GAB1: variants seen among roughly 807,000 people sequenced by gnomAD.
GAB1 encodes the protein GRB2 associated binding protein 1, also known as GRB2-associated-binding protein 1.
In GAB1, 19 loss-of-function variants were observed where a neutral mutation model predicts 66.5. The ratio of observed to expected loss-of-function variants is 0.29; its 90% CI spans 0.20 to 0.42. The LOEUF (loss-of-function observed/expected upper bound fraction) is 0.42, where lower values mean the gene tolerates loss of function less well. Ranked by LOEUF, GAB1 falls within the 10% of genes least tolerant of loss-of-function variation. The pLI is 1.00. For synonymous variants in GAB1, 294 were observed against 301.4 expected, an observed-to-expected ratio of 0.98 and a Z score of 0.25; for missense variants, 732 against 858.5, an observed-to-expected ratio of 0.85 and a Z score of 1.84.
chr4:143,348,447 TTCTC>T (rs1344977959), intron 1 of GAB1, among the ~76,000 whole-genome samples: 1 of 152,120 alleles, frequency 6.6e-6, no homozygotes, highest in African/African-American at 2.4e-5. Context: ...TCTTTGACTT[TTCTC>T]TCTCTCTCAT....
intron 1 of GAB1, among the ~76,000 whole-genome samples, chr4:143,408,257 A>G (rs530993999): frequency 2.0e-5 from 3 of 152,344 alleles, no homozygotes; most frequent in East Asian, 3.9e-4. Flanking sequence ...TGTGCACATC[A>G]TTCCTAGGTT....
chr4:143,422,313 G>A (rs926586449), intron 2 of GAB1, among the ~76,000 whole-genome samples: 22 of 152,112 alleles, frequency 1.4e-4, no homozygotes, highest in South Asian at 1.0e-3. Context: ...GAACATAAAG[G>A]TAAACTTTTA....
chr4:143,424,769 A>G (rs919415896), intron 2 of GAB1: 3 of 245,866 alleles, frequency 1.2e-5, no homozygotes, highest in African/African-American at 6.8e-5. Context: ...ATCCTGGCCA[A>G]CATGGTGAAA....
intron 6 of GAB1, among the ~76,000 whole-genome samples, chr4:143,446,283 A>G (rs1734525640): frequency 6.6e-6 from 1 of 152,170 alleles, no homozygotes; most frequent in African/African-American, 2.4e-5. Flanking sequence ...TAGCAGCATG[A>G]TTTATAGTCC....
intron 1 of GAB1, among the ~76,000 whole-genome samples, chr4:143,338,712 G>GGTGTGTGTGTGTGTGTGTGTGTGT (rs56381817): frequency 3.9e-4 from 58 of 149,288 alleles, no homozygotes; most frequent in African/African-American, 1.2e-3. Context: ...GAAAGGTAGG[G>GGTGTGTGTGTGTGTGTGTGTGTGT]GTGTGTGTGT....
Position 143,468,493 on chromosome 4 carries a change from G to A in GAB1, c.1927-538G>A, listed in dbSNP as rs192861063. Among the ~76,000 whole-genome samples, 852 of 151,730 alleles carry A rather than the reference G, an allele frequency of 5.6e-3. 10 individuals are homozygous for A. The highest frequency in any genetic ancestry group is 0.019 in the African/African-American group (800 of 41,420). On this transcript the variant is annotated intron_variant, in intron 9 of 9. Coordinates refer to ENST00000262994, the MANE Select transcript of GAB1 (RefSeq NM_002039.4). The stretch of plus-strand genomic sequence containing the variant: ...TTCCCAAAGTGCTGGGATTATAGGC[G>A]TGAGCCACTGTGCCCAGCTTTGAAT...
chr4:143,455,300 G>C (rs1735124379), intron 6 of GAB1, among the ~76,000 whole-genome samples: 1 of 152,180 alleles, frequency 6.6e-6, no homozygotes, highest in Admixed American at 6.5e-5. Context: ...GAAACAATCA[G>C]TTTCAGCTTC....
At chr4:143,395,873 G>C in intron 1 of GAB1, 1 of 454,696 alleles carries the variant, frequency 2.2e-6, no homozygotes, top group East Asian at 6.9e-5. Context: ...ACAGCTTGTC[G>C]AGATTGATGG....
intron 6 of GAB1, among the ~76,000 whole-genome samples, chr4:143,448,727 C>T (rs924917750): frequency 6.6e-6 from 1 of 151,412 alleles, no homozygotes; most frequent in Non-Finnish European, 1.5e-5. Flanking sequence ...TTTGTTGATC[C>T]TTTCAAAAAA....
intron 6 of GAB1, among the ~76,000 whole-genome samples, chr4:143,442,744 A>G (rs1335851149): frequency 2.6e-5 from 4 of 152,112 alleles, no homozygotes; most frequent in African/African-American, 9.7e-5. Context: ...AAAGAACTTA[A>G]TAGAACAGAA....
At position 143,471,866 on chromosome 4, in the gene GAB1, A is replaced by G. The variant is rs1736096044; in HGVS notation, c.*2677A>G. 6.6e-6 allele frequency: 1 copy of G among 152,166 alleles called. No homozygotes were observed. Among genetic ancestry groups the G allele is most frequent in the African/African-American group, 2.4e-5 (1 of 41,456 alleles). 9.4% of individuals were successfully genotyped at this position (152,166 alleles called of 1,614,324 possible). ...GAATGTGCGTTTTTATTAGGTTTTA[A>G]AATATGCACGTATAAAAACTAAATT... On this transcript the variant is annotated 3_prime_UTR_variant, in exon 10 of 10. Transcript: ENST00000262994.
chr4:143,378,626 A>AGT (rs1491223330), intron 1 of GAB1, among the ~76,000 whole-genome samples: 1 of 119,370 alleles, frequency 8.4e-6, no homozygotes, highest in African/African-American at 3.6e-5. Flanking sequence ...GAACTTCCAA[A>AGT]GTGTCTCTCT....
intron 8 of GAB1, among the ~76,000 whole-genome samples, chr4:143,462,811 G>A (rs939758559): frequency 2.6e-5 from 4 of 151,944 alleles, no homozygotes; most frequent in African/African-American, 7.3e-5. Context: ...ACAGGTTTGC[G>A]CCACCACACA....
At chr4:143,428,402 A>T (rs1242610171) in intron 2 of GAB1, among the ~76,000 whole-genome samples, 1 of 152,190 alleles carries the variant, frequency 6.6e-6, no homozygotes, top group Admixed American at 6.5e-5. Context: ...ACACACCCAG[A>T]TAACTGGTGG....
At chr4:143,433,205 T>C (rs1020364339) in intron 2 of GAB1, among the ~76,000 whole-genome samples, 1 of 152,162 alleles carries the variant, frequency 6.6e-6, no homozygotes, top group African/African-American at 2.4e-5. Flanking sequence ...GTAGAACAGC[T>C]TCCTTCTCAT....
intron 4 of GAB1, 87 bp downstream of exon 4, chr4:143,438,687 A>T: frequency 7.3e-7 from 1 of 1,361,618 alleles, no homozygotes; most frequent in Non-Finnish European, 1.0e-6. Context: ...GCGTAGTTAA[A>T]TATACTATGC....
chr4:143,389,940 T>G (rs1366127913), intron 1 of GAB1, among the ~76,000 whole-genome samples: 1 of 152,200 alleles, frequency 6.6e-6, no homozygotes, highest in Non-Finnish European at 1.5e-5. Context: ...TCTCCTGGAT[T>G]TAGCTTTAAA....
intron 1 of GAB1, among the ~76,000 whole-genome samples, chr4:143,344,289 A>G (rs1295630180): frequency 6.6e-6 from 1 of 152,096 alleles, no homozygotes; most frequent in Non-Finnish European, 1.5e-5. Context: ...AATAACACCA[A>G]CGGATCACAT....
intron 9 of GAB1, among the ~76,000 whole-genome samples, chr4:143,468,820 G>C (rs1735935388): frequency 6.6e-6 from 1 of 152,026 alleles, no homozygotes; most frequent in African/African-American, 2.4e-5. Flanking sequence ...CTACTCAGGA[G>C]GCTGAGACAG....
Sources: allele counts gnomAD v4.1 joint callset (sites outside exome capture counted in the v4.1 genomes callset), GRCh38; gene constraint gnomAD v4.1.1; transcripts MANE v1.5; gene names NCBI Gene and HGNC (gene_info 2026-07-23, HGNC 2026-07-21).